TDRP: variants seen among roughly 807,000 people sequenced by gnomAD.
The protein encoded by TDRP is testis development related protein.
TDRP carries 12 observed loss-of-function variants against 10.5 expected under a neutral mutation model. That is an observed-to-expected ratio of 1.15 (90% CI 0.73 to 1.86). The LOEUF (loss-of-function observed/expected upper bound fraction) is 1.86, where lower values mean the gene tolerates loss of function less well. Among genes scored for constraint, TDRP ranks in the 40% most tolerant of loss-of-function variants. TDRP has a pLI of 0.00. For synonymous variants in TDRP, 139 were observed against 95.4 expected (o/e 1.46, Z -2.67); for missense variants, 353 against 229.2 (o/e 1.54, Z -3.49).
intron 1 of TDRP, among the ~76,000 whole-genome samples, chr8:504,955 A>G (rs1371575581): frequency 6.6e-6 from 1 of 152,202 alleles, no homozygotes; most frequent in African/African-American, 2.4e-5. Flanking sequence ...TTTGGGGAAC[A>G]GGGAAAGGGA....
In TDRP at chr8:498,694, C is replaced by A. The variant is rs58120139; in HGVS notation, c.109-4097G>T. Among the ~76,000 whole-genome samples the A allele has an allele frequency of 1.3e-4, 20 of 152,006 alleles. No homozygotes were observed. The East Asian group carries it at 3.3e-3, about 25-fold the overall frequency. On this transcript the variant is annotated intron_variant, in intron 1 of 2. Transcript: ENST00000324079. Reference sequence around the variant, plus strand: ...AGAAGAACATTACATTTGGGAGGGGCCAGGAGCAGAATGATGTGGTTTGTC... The same window carrying A: ...AGAAGAACATTACATTTGGGAGGGGACAGGAGCAGAATGATGTGGTTTGTC...
intron 1 of TDRP, among the ~76,000 whole-genome samples, chr8:510,738 C>T (rs117661416): frequency 0.018 from 2,803 of 152,278 alleles, 42 homozygotes; most frequent in Middle Eastern, 0.041. Context: ...ACTAAAGGAA[C>T]TTCTTCAGCT....
chr8:516,148 G>C (rs968952889), intron 1 of TDRP, among the ~76,000 whole-genome samples: 1 of 152,166 alleles, frequency 6.6e-6, no homozygotes, highest in East Asian at 1.9e-4. Context: ...GTCCGGTAGA[G>C]CGGTTCCTAA....
At chr8:529,618 A>G (rs1207754508) in intron 1 of TDRP, among the ~76,000 whole-genome samples, 1 of 152,122 alleles carries the variant, frequency 6.6e-6, no homozygotes, top group Non-Finnish European at 1.5e-5. Flanking sequence ...TTTTTGAAAG[A>G]TGGTTTTGCC....
intron 1 of TDRP, among the ~76,000 whole-genome samples, chr8:526,819 C>T (rs1802047588): frequency 6.6e-6 from 1 of 152,150 alleles, no homozygotes; most frequent in Admixed American, 6.5e-5. Flanking sequence ...CCACTTTTAC[C>T]ACTGTTATTC....
At position 525,289 on chromosome 8, in the gene TDRP, T is replaced by A. The variant is rs553144875; in HGVS notation, c.108+19361A>T. ...GCTGAGGATTTTCACCAACACCAGA[T>A]CTGTCCTACAAGAAATGTTAAAGGG... On this transcript the variant is annotated intron_variant, in intron 1 of 2. Coordinates refer to ENST00000324079, the MANE Select transcript of TDRP (RefSeq NM_001384899.1). Among the ~76,000 whole-genome samples the A allele has an allele frequency of 2.0e-5, 3 of 152,220 alleles. No individual in the cohort carries two copies. The South Asian group carries it at 6.2e-4, about 32-fold the overall frequency.
At position 517,826 on chromosome 8, in the gene TDRP, A is replaced by G. The variant is rs543317820; in HGVS notation, c.109-23229T>C. ...AGAGTTTGGATTTTTCTGCCAACAA[A>G]TACATCTTACTAAGTGAAAGAAGCC... On this transcript the variant is annotated intron_variant, in intron 1 of 2. Coordinates refer to ENST00000324079, the MANE Select transcript of TDRP (RefSeq NM_001384899.1). 1.2e-4 allele frequency among the ~76,000 whole-genome samples: 18 copies of G among 152,356 alleles called. No homozygotes were observed. The East Asian group carries it at 3.3e-3, about 28-fold the overall frequency.
intron 1 of TDRP, among the ~76,000 whole-genome samples, chr8:532,410 G>T (rs1246980228): frequency 1.3e-5 from 2 of 152,186 alleles, no homozygotes. Flanking sequence ...CCATCACACA[G>T]TTCTTGCTGA....
chr8:540,045 C>T (rs1802452097), intron 1 of TDRP, among the ~76,000 whole-genome samples: 1 of 152,164 alleles, frequency 6.6e-6, no homozygotes, highest in Non-Finnish European at 1.5e-5. Flanking sequence ...CTATGCAATC[C>T]AGTTTAGAGG....
At chr8:537,169 A>C (rs1382125634) in intron 1 of TDRP, among the ~76,000 whole-genome samples, 1 of 152,238 alleles carries the variant, frequency 6.6e-6, no homozygotes, top group Non-Finnish European at 1.5e-5. Context: ...GCTGAGCCCC[A>C]CGTGGGCCTG....
intron 1 of TDRP, among the ~76,000 whole-genome samples, chr8:516,881 T>C (rs1457958211): frequency 1.3e-5 from 2 of 152,188 alleles, no homozygotes; most frequent in Non-Finnish European, 2.9e-5. Context: ...AGCAGGTGAA[T>C]GGATAAGCTG....
At chr8:519,572 C>A (rs1212220077) in intron 1 of TDRP, among the ~76,000 whole-genome samples, 1 of 152,060 alleles carries the variant, frequency 6.6e-6, no homozygotes, top group Non-Finnish European at 1.5e-5. Context: ...TGAAAAACCC[C>A]CCTCTCCCCC....
intron 1 of TDRP, among the ~76,000 whole-genome samples, chr8:514,452 C>G (rs879036997): frequency 2.6e-5 from 4 of 152,192 alleles, no homozygotes; most frequent in Admixed American, 6.5e-5. Flanking sequence ...ACCAAGGGAA[C>G]TGCCACCCAC....
chr8:543,555 A>T (rs898632838), intron 1 of TDRP, among the ~76,000 whole-genome samples: 1 of 137,836 alleles, frequency 7.3e-6, no homozygotes, highest in African/African-American at 3.0e-5. Context: ...TTCTGAAATT[A>T]AAAAAAAAAA....
rs1320908658 is a variant in TDRP at position 539,559 on chromosome 8, A to G, written c.108+5091T>C. Among the ~76,000 whole-genome samples the G allele has an allele frequency of 2.0e-5, 3 of 152,178 alleles. No homozygotes were observed. The East Asian group carries it at 5.8e-4, about 29-fold the overall frequency. ...AGGGCTACAACTTACTGCAAATGGG[A>G]AAAGGCAGGTGTGAAGGTGTTTACT... On this transcript the variant is annotated intron_variant, in intron 1 of 2. Coordinates refer to ENST00000324079, the MANE Select transcript of TDRP (RefSeq NM_001384899.1).
chr8:517,938 G>A (rs369888712), intron 1 of TDRP, among the ~76,000 whole-genome samples: 2 of 152,298 alleles, frequency 1.3e-5, no homozygotes, highest in East Asian at 3.9e-4. Context: ...AAGATCCGTG[G>A]TTGCAAAGGG....
At chr8:539,068 G>C (rs961541664) in intron 1 of TDRP, among the ~76,000 whole-genome samples, 1 of 152,188 alleles carries the variant, frequency 6.6e-6, no homozygotes, top group Non-Finnish European at 1.5e-5. Context: ...ATCAATAGGG[G>C]ACTCGTTTTT....
intron 1 of TDRP, among the ~76,000 whole-genome samples, chr8:505,918 G>C (rs1339871077): frequency 6.6e-6 from 1 of 152,150 alleles, no homozygotes; most frequent in Non-Finnish European, 1.5e-5. Flanking sequence ...ATATCAACTT[G>C]CTAGCTTCAC....
Position 491,785 on chromosome 8 carries a change from T to C in TDRP, c.*614A>G, listed in dbSNP as rs1251135411. 34 of 1,285,590 alleles carry C rather than the reference T, an allele frequency of 2.6e-5. No homozygotes were observed. The highest frequency in any genetic ancestry group is 3.2e-5 in the Non-Finnish European group (33 of 1,019,918). 79.6% of individuals were successfully genotyped at this position (1,285,590 alleles called of 1,614,324 possible). A position where few individuals can be genotyped will look rare whatever the true frequency, so the allele number is the denominator to read the frequency against. On this transcript the variant is annotated 3_prime_UTR_variant, in exon 3 of 3. Coordinates refer to ENST00000324079, the MANE Select transcript of TDRP (RefSeq NM_001384899.1). ...AACCACTGTTACTATCCAGTGGACA[T>C]ACAAGAAGCTATTCCTCCCTCAGCA... is the stretch of plus-strand genomic sequence containing the variant.
Sources: allele counts gnomAD v4.1 joint callset (sites outside exome capture counted in the v4.1 genomes callset), GRCh38; gene constraint gnomAD v4.1.1; transcripts MANE v1.5; gene names NCBI Gene and HGNC (gene_info 2026-07-23, HGNC 2026-07-21).